HELZ: variants seen among roughly 807,000 people sequenced by gnomAD.
The protein encoded by HELZ is ATP-dependent RNA helicase with zinc finger domain.
A neutral mutation model predicts 218.2 loss-of-function variants in HELZ; 23 were observed. The ratio of observed to expected loss-of-function variants is 0.11; its 90% confidence interval spans 0.08 to 0.15. The LOEUF (loss-of-function observed/expected upper bound fraction) is 0.15, where lower values mean the gene tolerates loss of function less well. Ranked by LOEUF, HELZ falls within the 10% of genes least tolerant of loss-of-function variation. The pLI is 1.00. For synonymous variants in HELZ, 814 were observed against 829.4 expected, an observed-to-expected ratio of 0.98 and a Z score of 0.32; for missense variants, 1,813 against 2,353.7, an observed-to-expected ratio of 0.77 and a Z score of 4.75.
intron 31 of HELZ, among the ~76,000 whole-genome samples, chr17:67,099,365 T>C (rs2036850786): frequency 6.9e-6 from 1 of 144,580 alleles, no homozygotes; most frequent in South Asian, 2.3e-4. Flanking sequence ...AAAGGCTCAT[T>C]TACCCTGCCA....
chr17:67,194,506 T>C (rs1749066617), intron 8 of HELZ, among the ~76,000 whole-genome samples: 1 of 152,176 alleles, frequency 6.6e-6, no homozygotes, highest in Admixed American at 6.5e-5. Flanking sequence ...CCATGTTCCT[T>C]AAGATTTGTC....
At chr17:67,190,097 G>T (rs962132820) in intron 10 of HELZ, 60 bp downstream of exon 10, 9 of 1,389,082 alleles carry the variant, frequency 6.5e-6, no homozygotes, top group East Asian at 2.3e-5. Context: ...ACACAATAAA[G>T]TCAAGACTCA....
intron 27 of HELZ, chr17:67,119,840 ATT>A (rs913777049): frequency 2.9e-6 from 1 of 345,298 alleles, no homozygotes; most frequent in Non-Finnish European, 5.5e-6. Flanking sequence ...CAAATTTAAT[ATT>A]TTTTTCAGAA....
chr17:67,089,694 G>GAGAGACAGAGAGACAGAGAGAC (rs1555595478), intron 31 of HELZ, among the ~76,000 whole-genome samples: 3 of 100,696 alleles, frequency 3.0e-5, no homozygotes, highest in African/African-American at 1.2e-4. Context: ...GAGAGAGAGA[G>GAGAGACAGAGAGACAGAGAGAC]AGAGAGACAG....
chr17:67,127,778 G>A (rs1168579872), intron 24 of HELZ, among the ~76,000 whole-genome samples: 6 of 151,844 alleles, frequency 4.0e-5, no homozygotes, highest in Middle Eastern at 3.2e-3. Context: ...CCTAGGAGGC[G>A]GAGGTTGCAG....
rs1555595394 is a variant in HELZ at position 67,089,668 on chromosome 17, T to TAGAG, written c.5242-2591_5242-2588dup. On this transcript the variant is annotated intron_variant, in intron 31 of 32. Transcript: ENST00000358691. ...GATTTTATATATATATATATATATA[T>TAGAG]AGAGAGAGAGAGAGAGAGAGAGAGA... is the stretch of plus-strand genomic sequence containing the variant. Among the ~76,000 whole-genome samples, 213 of 70,632 alleles carry TAGAG rather than the reference T, an allele frequency of 3.0e-3. 2 individuals are homozygous for TAGAG. Among genetic ancestry groups the TAGAG allele is most frequent in the African/African-American group, 0.011 (184 of 16,556 alleles). The allele number at this position is 70,632 out of a possible 152,430, so 46.3% of individuals were successfully genotyped here. A position where few individuals can be genotyped will look rare whatever the true frequency, so the allele number is the denominator to read the frequency against.
rs2035905666 is a variant in HELZ at position 67,072,150 on chromosome 17, C to G, written c.*6102G>C. ...AAGAGATGGAGACCATCCTGGCCAACACGGTGAAACCCCGTCTCTACTAAA... is the reference window on the plus strand; with the variant it reads ...AAGAGATGGAGACCATCCTGGCCAAGACGGTGAAACCCCGTCTCTACTAAA... On this transcript the variant is annotated 3_prime_UTR_variant, in exon 33 of 33. Coordinates refer to ENST00000358691, the MANE Select transcript of HELZ (RefSeq NM_014877.4). 6.6e-6 allele frequency: 1 copy of G among 152,510 alleles called. No homozygotes were observed. The highest frequency in any genetic ancestry group is 1.5e-5 in the Non-Finnish European group (1 of 68,204). 9.4% of individuals were successfully genotyped at this position (152,510 alleles called of 1,614,324 possible).
chr17:67,086,631 A>AATATATATAT (rs71139116), intron 32 of HELZ, among the ~76,000 whole-genome samples, 198 bp downstream of exon 32: 3,507 of 92,500 alleles, frequency 0.038, 146 homozygotes, highest in Non-Finnish European at 0.047. Context: ...TATAAATATA[A>AATATATATAT]ATATATATAT....
intron 3 of HELZ, among the ~76,000 whole-genome samples, chr17:67,220,148 C>T (rs927523154): frequency 2.6e-5 from 4 of 152,166 alleles, no homozygotes; most frequent in Admixed American, 6.5e-5. Flanking sequence ...CCAGCCTTCT[C>T]GGCTTTTATA....
chr17:67,190,250 T>C lies in HELZ; in HGVS notation c.663A>G (p.Lys221=). The change falls in exon 10 of 33, where the codon AAA becomes AAG. Residue 221 remains lysine (K), a synonymous_variant. Transcript: ENST00000358691. ...WQKRYASRLI[K]LKQQNENKQL... ...GTTTATTCTCATTTTGCTGTTTCAATTTTATCAGCCGTGAAGCATATCTTT... is the reference window on the plus strand; with the variant it reads ...GTTTATTCTCATTTTGCTGTTTCAACTTTATCAGCCGTGAAGCATATCTTT... 1.9e-6 allele frequency: 3 copies of C among 1,614,100 alleles called. No homozygotes were observed. The highest frequency in any genetic ancestry group is 2.5e-6 in the Non-Finnish European group (3 of 1,179,942).
intron 1 of HELZ, chr17:67,244,682 GC>G (rs1463705615): frequency 3.1e-6 from 3 of 982,170 alleles, no homozygotes; most frequent in Non-Finnish European, 3.6e-6. Flanking sequence ...CCCCGCTCCA[GC>G]CCCCACCCCA....
Position 67,137,567 on chromosome 17 carries a change from A to G in HELZ, c.2953+364T>C, listed in dbSNP as rs180762472. On this transcript the variant is annotated intron_variant, in intron 22 of 32. Transcript: ENST00000358691. ...TAATTTAAAAGAGTTGCTGTTAACT[A>G]TAAACTTAGAAAAGTCTATACATAA... Among the ~76,000 whole-genome samples the G allele has an allele frequency of 4.1e-3, 619 of 152,338 alleles. 4 individuals carry two copies. Among genetic ancestry groups the G allele is most frequent in the Non-Finnish European group, 4.6e-3 (310 of 68,026 alleles).
At chr17:67,125,196 A>T (rs2037743988) in intron 24 of HELZ, among the ~76,000 whole-genome samples, 1 of 146,002 alleles carries the variant, frequency 6.8e-6, no homozygotes, top group Non-Finnish European at 1.5e-5. Flanking sequence ...GTCATAAAAA[A>T]GCCTCATGAA....
chr17:67,083,220 T>A (rs2143551926), intron 32 of HELZ, among the ~76,000 whole-genome samples: 1 of 152,340 alleles, frequency 6.6e-6, no homozygotes, highest in East Asian at 1.9e-4. Flanking sequence ...CAGTTTAACC[T>A]AATGCCTACA....
rs192819465 is a variant in HELZ at position 67,187,525 on chromosome 17, C to T, written c.1162+794G>A. Among the ~76,000 whole-genome samples, 249 of 152,318 alleles carry T rather than the reference C, an allele frequency of 1.6e-3. 2 individuals carry two copies. The highest frequency in any genetic ancestry group is 5.7e-3 in the African/African-American group (237 of 41,584). ...GGACATTATGGTACATAGTAAAAAACGTCCTCCACAATATGGTTAGTTATA... is the reference window on the plus strand; with the variant it reads ...GGACATTATGGTACATAGTAAAAAATGTCCTCCACAATATGGTTAGTTATA... On this transcript the variant is annotated intron_variant, in intron 12 of 32. Transcript: ENST00000358691.
At chr17:67,105,231 C>A (rs953136196) in intron 31 of HELZ, among the ~76,000 whole-genome samples, 1 of 152,132 alleles carries the variant, frequency 6.6e-6, no homozygotes, top group Non-Finnish European at 1.5e-5. Flanking sequence ...AAATTGGAAT[C>A]CTCATACATA....
intron 20 of HELZ, among the ~76,000 whole-genome samples, chr17:67,146,996 T>C (rs563990513): frequency 4.1e-4 from 62 of 152,308 alleles, no homozygotes; most frequent in African/African-American, 1.4e-3. Flanking sequence ...ATGCATACTA[T>C]AGCTAACAGA....
intron 28 of HELZ, among the ~76,000 whole-genome samples, chr17:67,114,024 A>G (rs1242745585): frequency 1.3e-5 from 2 of 152,208 alleles, no homozygotes; most frequent in African/African-American, 2.4e-5. Context: ...CACGATAATG[A>G]CACACTTGTA....
In HELZ at chr17:67,209,720, T is replaced by C. The variant is rs1298730804; in HGVS notation, c.247+6179A>G. On this transcript the variant is annotated intron_variant, in intron 5 of 32. Transcript: ENST00000358691. Reference sequence around the variant, plus strand: ...TCAAAACCACACTTCCACTCTGGACTGGCTCTGTGCTCTTAAGCAAGTAAC... The same window carrying C: ...TCAAAACCACACTTCCACTCTGGACCGGCTCTGTGCTCTTAAGCAAGTAAC... Among the ~76,000 whole-genome samples the C allele has an allele frequency of 2.0e-5, 3 of 146,566 alleles. No individual in the cohort carries two copies. In the East Asian group the frequency reaches 5.9e-4, roughly 29 times the overall value.
Sources: gnomAD v4.1 joint callset for allele counts (sites outside exome capture counted in the v4.1 genomes callset) on GRCh38, gnomAD v4.1.1 for gene constraint, MANE v1.5 for transcripts, NCBI Gene and HGNC (gene_info 2026-07-23, HGNC 2026-07-21) for gene names.